The following TF variants were observed in gnomAD, a reference collection of about 807,000 sequenced individuals.
TF encodes the protein serotransferrin.
Under a neutral mutation model 82.4 loss-of-function variants are expected in TF, and 55 were observed. The observed-to-expected ratio is 0.67, with a 90% CI of 0.54 to 0.84. The LOEUF is 0.84. TF is among the 40% of genes least tolerant of loss of function. The pLI is 0.00. For missense variants in TF, 737 were observed against 868.4 expected, an observed-to-expected ratio of 0.85 and a Z score of 1.90; for synonymous variants, 332 against 332.6, an observed-to-expected ratio of 1.00 and a Z score of 0.02.
chr3:133,743,725 C>T (rs1371314224), upstream of TF, among the ~76,000 whole-genome samples: 1 of 152,140 alleles, frequency 6.6e-6, no homozygotes, highest in Admixed American at 6.5e-5. Context: ...AGTGATTCTC[C>T]AACTCCAGAA....
chr3:133,771,694 G>A (rs896173708), intron 14 of TF, among the ~76,000 whole-genome samples: 5 of 132,328 alleles, frequency 3.8e-5, no homozygotes, highest in East Asian at 2.2e-4. Context: ...CCGAGATTGC[G>A]CCACTGCAGT....
intron 11 of TF, among the ~76,000 whole-genome samples, chr3:133,765,113 T>C (rs1384084864): frequency 1.3e-5 from 2 of 152,206 alleles, no homozygotes; most frequent in Non-Finnish European, 2.9e-5. Context: ...CATTTAATGC[T>C]ATAAGGTAGG....
the TF span, among the ~76,000 whole-genome samples, chr3:133,719,462 T>C: frequency 1.3e-5 from 2 of 152,162 alleles, no homozygotes; most frequent in African/African-American, 4.8e-5. Context: ...GTGTTGGGCA[T>C]GTGGGGAAGG....
the TF span, among the ~76,000 whole-genome samples, chr3:133,663,934 C>T: frequency 6.6e-6 from 1 of 152,290 alleles, no homozygotes; most frequent in African/African-American, 2.4e-5. Flanking sequence ...AAGAGTTCAC[C>T]ACTAGGGGGC....
At chr3:133,706,531 G>A in the TF span, among the ~76,000 whole-genome samples, 1 of 152,056 alleles carries the variant, frequency 6.6e-6, no homozygotes, top group African/African-American at 2.4e-5. Context: ...CAAAAATTCT[G>A]GGGCTCCATC....
At chr3:133,717,278 G>A in the TF span, among the ~76,000 whole-genome samples, 1 of 152,296 alleles carries the variant, frequency 6.6e-6, no homozygotes, top group East Asian at 1.9e-4. Context: ...TCCTTGAAAG[G>A]GCTGATACCT....
intron 5 of TF, 168 bp downstream of exon 5, chr3:133,755,663 A>C (rs1933806294): frequency 1.2e-6 from 1 of 858,242 alleles, no homozygotes; most frequent in South Asian, 1.6e-5. Flanking sequence ...AGGCCAAGCC[A>C]GCCCATGTTC....
At chr3:133,701,110 C>A in the TF span, 1 of 152,616 alleles carries the variant, frequency 6.6e-6, no homozygotes, top group Non-Finnish European at 1.5e-5. Context: ...GGGGTGGGGC[C>A]ATCATGGGAG....
chr3:133,740,185 G>T, the TF span, among the ~76,000 whole-genome samples: 2 of 152,128 alleles, frequency 1.3e-5, no homozygotes, highest in African/African-American at 4.8e-5. Context: ...CCTTTGCAGG[G>T]GTGTGGATGA....
At chr3:133,750,251 G>T (rs751743512) in intron 2 of TF, among the ~76,000 whole-genome samples, 68 of 152,248 alleles carry the variant, frequency 4.5e-4, no homozygotes, top group Middle Eastern at 3.4e-3. Context: ...AAGGGGAACC[G>T]GGCCATCCTA....
Position 133,748,572 on chromosome 3 carries a change from C to T in TF, c.204C>T (p.Ile68=). 6.2e-7 allele frequency: 1 copy of T among 1,614,120 alleles called. No homozygotes were observed. The highest frequency in any genetic ancestry group is 8.5e-7 in the Non-Finnish European group (1 of 1,180,012). Residue 68 remains isoleucine (I), a synonymous_variant, in exon 2 of 17, where the codon ATC becomes ATT. Coordinates refer to ENST00000402696, the MANE Select transcript of TF (RefSeq NM_001063.4). ...AGAAAGCCTCCTACCTTGATTGCAT[C>T]AGGGCCATTGCGGTAAGTCGCTGCT... is the stretch of plus-strand genomic sequence containing the variant. The part of the protein sequence containing the change: ...CVKKASYLDC[I]RAIAANEADA...
chr3:133,766,128 ACTTCCCCT>A (rs1934119818), intron 11 of TF, 142 bp from the exon 12 acceptor site: 1 of 793,238 alleles, frequency 1.3e-6, no homozygotes, highest in East Asian at 2.4e-5. Flanking sequence ...AGTTCCTTGT[ACTTCCCCT>A]CAGTCAGATA....
At chr3:133,752,261 TTTTG>T (rs1933696051) in intron 2 of TF, among the ~76,000 whole-genome samples, 2 of 151,940 alleles carry the variant, frequency 1.3e-5, no homozygotes, top group Non-Finnish European at 1.5e-5. Context: ...CCCAGCTAAT[TTTTG>T]TTTGTTTGTT....
chr3:133,759,722 G>C (rs1933939023), intron 9 of TF, among the ~76,000 whole-genome samples: 1 of 152,136 alleles, frequency 6.6e-6, no homozygotes, highest in Non-Finnish European at 1.5e-5. Context: ...CTGGCATGGT[G>C]GCATGCACCT....
intron 2 of TF, among the ~76,000 whole-genome samples, chr3:133,748,981 G>A (rs1051005075): frequency 2.6e-5 from 4 of 151,860 alleles, no homozygotes; most frequent in Admixed American, 6.6e-5. Context: ...CCAACATGGC[G>A]AAACCCCATC....
chr3:133,685,328 C>T, the TF span, among the ~76,000 whole-genome samples: 1 of 152,176 alleles, frequency 6.6e-6, no homozygotes, highest in South Asian at 2.1e-4. Flanking sequence ...TCCTATTCAA[C>T]ATAGTGTTGG....
intron 15 of TF, among the ~76,000 whole-genome samples, chr3:133,776,789 A>G (rs1428694484): frequency 6.7e-6 from 1 of 149,378 alleles, no homozygotes. Context: ...GTAGGCAGGC[A>G]TGGGTGTGGG....
chr3:133,726,790 C>T, the TF span, among the ~76,000 whole-genome samples: 2 of 152,014 alleles, frequency 1.3e-5, no homozygotes, highest in African/African-American at 2.4e-5. Flanking sequence ...CTCTTGTGGG[C>T]ATTTAGTGCT....
chr3:133,685,095 G>T, the TF span, among the ~76,000 whole-genome samples: 1 of 151,798 alleles, frequency 6.6e-6, no homozygotes, highest in Non-Finnish European at 1.5e-5. Context: ...AGAACCAAAG[G>T]CAAAAACCAC....
Sources: gnomAD v4.1 joint callset for allele counts (sites outside exome capture counted in the v4.1 genomes callset) on GRCh38, gnomAD v4.1.1 for gene constraint, MANE v1.5 for transcripts, NCBI Gene and HGNC (gene_info 2026-07-23, HGNC 2026-07-21) for gene names.